Variants in LINGO2 observed in about 807,000 individuals in gnomAD.
LINGO2 encodes the protein leucine rich repeat and Ig domain containing 2.
In LINGO2, 14 loss-of-function variants were observed where a neutral mutation model predicts 30.6. The ratio of observed to expected loss-of-function variants is 0.46; its 90% CI spans 0.30 to 0.72. LINGO2 has a LOEUF of 0.72. LINGO2 is among the 30% of genes least tolerant of loss of function. The probability of loss-of-function intolerance (pLI) is 0.07; values close to 1 mark genes in which losing one functional copy is unlikely to be tolerated. For synonymous variants in LINGO2, 317 were observed against 288.5 expected (o/e 1.10, Z -1.00); for missense variants, 729 against 751.7 (o/e 0.97, Z 0.35).
intron 4 of LINGO2, among the ~76,000 whole-genome samples, chr9:28,074,761 A>G (rs1283013529): frequency 6.6e-6 from 1 of 152,096 alleles, no homozygotes; most frequent in Non-Finnish European, 1.5e-5. Context: ...TTAGTGGAAA[A>G]GCTTAACATG....
At chr9:28,642,582 G>C (rs1332527168) in intron 1 of LINGO2, among the ~76,000 whole-genome samples, 1 of 152,038 alleles carries the variant, frequency 6.6e-6, no homozygotes, top group Non-Finnish European at 1.5e-5. Context: ...AGTCTTAAGT[G>C]ATTTCTACTT....
chr9:27,949,758 A>G (rs758643175), exon 6 of LINGO2: 2 of 1,614,138 alleles, frequency 1.2e-6, no homozygotes, highest in South Asian at 1.1e-5. Flanking sequence ...CTGGGCCCCC[A>G]CTATATGAAG....
chr9:28,168,228 C>G (rs1200868192), intron 4 of LINGO2, among the ~76,000 whole-genome samples: 1 of 152,136 alleles, frequency 6.6e-6, no homozygotes, highest in Non-Finnish European at 1.5e-5. Context: ...TATTTTAGGT[C>G]CATTAGCCAA....
chr9:28,399,787 G>C (rs1001600895), intron 2 of LINGO2, among the ~76,000 whole-genome samples: 4 of 152,098 alleles, frequency 2.6e-5, no homozygotes, highest in African/African-American at 9.7e-5. Context: ...TATGGGATTT[G>C]ATTTACAGAT....
chr9:29,044,507 CA>C, the LINGO2 span, among the ~76,000 whole-genome samples: 1 of 151,918 alleles, frequency 6.6e-6, no homozygotes, highest in East Asian at 1.9e-4. Context: ...AGAATGTAAA[CA>C]GGTATAATTA....
chr9:28,351,309 A>C (rs1195789320), intron 3 of LINGO2, among the ~76,000 whole-genome samples: 6 of 144,044 alleles, frequency 4.2e-5, no homozygotes, highest in Non-Finnish European at 9.2e-5. Context: ...AAAAAATGAT[A>C]AAGGGGATAT....
chr9:28,561,774 TATATATAA>T (rs1397144675), intron 1 of LINGO2, among the ~76,000 whole-genome samples: 1,558 of 117,716 alleles, frequency 0.013, 257 homozygotes, highest in African/African-American at 0.055. Flanking sequence ...TATATATATA[TATATATAA>T]AAAATATGCT....
intron 4 of LINGO2, among the ~76,000 whole-genome samples, chr9:28,284,502 A>G (rs1823437854): frequency 6.6e-6 from 1 of 152,218 alleles, no homozygotes; most frequent in Non-Finnish European, 1.5e-5. Context: ...TTATTTCATA[A>G]GTATTATTTT....
the LINGO2 span, among the ~76,000 whole-genome samples, chr9:28,858,284 C>G: frequency 6.6e-6 from 1 of 151,982 alleles, no homozygotes; most frequent in East Asian, 1.9e-4. Context: ...TTCACAGATT[C>G]TGGTTTACTG....
intron 1 of LINGO2, among the ~76,000 whole-genome samples, chr9:28,530,829 C>G (rs1443805634): frequency 6.6e-6 from 1 of 151,874 alleles, no homozygotes; most frequent in African/African-American, 2.4e-5. Flanking sequence ...TATATGTGTA[C>G]TGTATTGAAT....
At chr9:28,793,605 A>C in the LINGO2 span, among the ~76,000 whole-genome samples, 4 of 152,304 alleles carry the variant, frequency 2.6e-5, no homozygotes, top group Admixed American at 2.0e-4. Context: ...GGAGTGGAAA[A>C]CCTTCAGAAG....
rs1172509455 is a variant in LINGO2 at position 28,130,056 on chromosome 9, C to T, written c.-86-117651G>A. Among the ~76,000 whole-genome samples, 7 of 152,240 alleles carry T rather than the reference C, an allele frequency of 4.6e-5. No homozygotes were observed. The East Asian group carries it at 5.8e-4, about 13-fold the overall frequency. ...CTTCAGACTACTTCATATGTTTCAG[C>T]GTCTCATGAATATAGTTATTGATCT... On this transcript the variant is annotated intron_variant, in intron 4 of 5. Coordinates refer to ENST00000379992, the Ensembl canonical transcript of LINGO2. This position sits in a 1 kb window ranked among gnomAD's most constrained non-coding sequence, Gnocchi z 5.2.
the LINGO2 span, among the ~76,000 whole-genome samples, chr9:28,884,942 A>ATTT: frequency 5.7e-5 from 1 of 17,560 alleles, no homozygotes; most frequent in African/African-American, 1.3e-4. Context: ...TATATATAAT[A>ATTT]TATATAATAT....
chr9:29,163,743 T>C, the LINGO2 span, among the ~76,000 whole-genome samples: 5 of 152,196 alleles, frequency 3.3e-5, no homozygotes, highest in African/African-American at 9.7e-5. Context: ...TGCAACACTT[T>C]CATTTCTGAG....
At chr9:29,118,571 AAG>A in the LINGO2 span, among the ~76,000 whole-genome samples, 4 of 152,252 alleles carry the variant, frequency 2.6e-5, no homozygotes, top group East Asian at 7.8e-4. Context: ...CCAAGACCAA[AAG>A]GAGACACTTT....
At chr9:28,194,347 A>T (rs1283591985) in intron 4 of LINGO2, among the ~76,000 whole-genome samples, 4 of 152,136 alleles carry the variant, frequency 2.6e-5, no homozygotes, top group African/African-American at 9.7e-5. Flanking sequence ...TACCAATACT[A>T]ACCTAATTAA....
At chr9:28,205,228 T>C (rs892402797) in intron 4 of LINGO2, among the ~76,000 whole-genome samples, 1 of 152,224 alleles carries the variant, frequency 6.6e-6, no homozygotes, top group Non-Finnish European at 1.5e-5. Flanking sequence ...TATAACCTGA[T>C]GGTCACATTT....
chr9:27,957,568 C>T (rs1203673920), intron 5 of LINGO2, among the ~76,000 whole-genome samples: 2 of 152,174 alleles, frequency 1.3e-5, no homozygotes, highest in African/African-American at 4.8e-5. Flanking sequence ...GCTGGGATTA[C>T]AGGCGTGAGC....
At chr9:28,099,857 G>C (rs1380596187) in intron 4 of LINGO2, among the ~76,000 whole-genome samples, 1 of 152,054 alleles carries the variant, frequency 6.6e-6, no homozygotes, top group Admixed American at 6.6e-5. Context: ...CTGTCCTCTT[G>C]TTCAACTCAG....
Sources: allele counts gnomAD v4.1 joint callset (sites outside exome capture counted in the v4.1 genomes callset), GRCh38; gene constraint gnomAD v4.1.1; non-coding constraint Gnocchi (gnomAD v3.1); transcripts MANE v1.5; gene names NCBI Gene and HGNC (gene_info 2026-07-23, HGNC 2026-07-21).